GLG1: variants seen among roughly 807,000 people sequenced by gnomAD.
GLG1 encodes Golgi apparatus protein 1.
In GLG1, 38 loss-of-function variants were observed where a neutral mutation model predicts 160.5. The observed-to-expected ratio is 0.24, with a 90% CI of 0.18 to 0.31. GLG1 has a LOEUF of 0.31. Ranked by LOEUF, GLG1 falls within the 10% of genes least tolerant of loss-of-function variation. The probability of loss-of-function intolerance (pLI) is 1.00; values close to 1 mark genes in which losing one functional copy is unlikely to be tolerated. For missense variants in GLG1, 1,373 were observed against 1,505.2 expected, an observed-to-expected ratio of 0.91 and a Z score of 1.45; for synonymous variants, 644 against 543.4, an observed-to-expected ratio of 1.19 and a Z score of -2.57.
Position 74,449,943 on chromosome 16 carries a change from C to G in GLG1, c.*3224G>C, listed in dbSNP as rs2014221859. On this transcript the variant is annotated 3_prime_UTR_variant, in exon 26 of 26. Transcript: ENST00000422840. ...CAGAGCTCCCCATCTGTGGGAGAAG[C>G]TCCATTGTGAACAGTTCGTCTTGTT... is the stretch of plus-strand genomic sequence containing the variant. The G allele has an allele frequency of 6.6e-6, 1 of 152,370 alleles. No individual in the cohort carries two copies. The highest frequency in any genetic ancestry group is 2.1e-4 in the South Asian group (1 of 4,828). The allele number at this position is 152,370 out of a possible 1,614,324, so 9.4% of individuals were successfully genotyped here.
At chr16:74,511,710 T>A (rs2016814121) in intron 2 of GLG1, among the ~76,000 whole-genome samples, 1 of 152,034 alleles carries the variant, frequency 6.6e-6, no homozygotes, top group South Asian at 2.1e-4. Context: ...ATTTCCTTAC[T>A]ATTTTATCGA....
chr16:74,578,566 A>G (rs1475834570), intron 1 of GLG1, among the ~76,000 whole-genome samples: 1 of 152,256 alleles, frequency 6.6e-6, no homozygotes, highest in Non-Finnish European at 1.5e-5. Context: ...GCAGAGAACT[A>G]AGACTGACTG....
intron 5 of GLG1, among the ~76,000 whole-genome samples, chr16:74,495,142 C>A (rs1222023699): frequency 8.5e-6 from 1 of 117,112 alleles, no homozygotes; most frequent in Non-Finnish European, 1.6e-5. Flanking sequence ...TAGAGTCAGT[C>A]TTGCTCTGTT....
chr16:74,513,035 A>G (rs1207973550), intron 2 of GLG1, among the ~76,000 whole-genome samples: 2 of 152,202 alleles, frequency 1.3e-5, no homozygotes, highest in African/African-American at 4.8e-5. Flanking sequence ...GAATAGCTGG[A>G]GTTGAAGGTA....
intron 2 of GLG1, among the ~76,000 whole-genome samples, chr16:74,511,575 CTT>C (rs10595609): frequency 0.39 from 43,664 of 110,972 alleles, 8,575 homozygotes; most frequent in South Asian, 0.62. Flanking sequence ...TAACTTGAAC[CTT>C]TTTTTTTTAA....
intron 2 of GLG1, among the ~76,000 whole-genome samples, chr16:74,527,180 CATA>C (rs1222462057): frequency 6.7e-6 from 1 of 149,166 alleles, no homozygotes; most frequent in Non-Finnish European, 1.5e-5. Context: ...CTACTGTTGT[CATA>C]TATTTTATTC....
In GLG1 at chr16:74,501,411, C is replaced by T. The variant is rs1412649578; in HGVS notation, c.774+2120G>A. ...TAAATGACAAAAGTGTCATTTCTATCTTTAGTCCATAGGAACAATTTTTAT... is the reference window on the plus strand; with the variant it reads ...TAAATGACAAAAGTGTCATTTCTATTTTTAGTCCATAGGAACAATTTTTAT... On this transcript the variant is annotated intron_variant, in intron 4 of 25. Transcript: ENST00000422840. Among the ~76,000 whole-genome samples, 5 of 152,188 alleles carry T rather than the reference C, an allele frequency of 3.3e-5. No homozygotes were observed. The East Asian group carries it at 5.8e-4, about 18-fold the overall frequency.
At chr16:74,543,882 T>G (rs537352567) in intron 1 of GLG1, among the ~76,000 whole-genome samples, 1 of 152,190 alleles carries the variant, frequency 6.6e-6, no homozygotes, top group East Asian at 1.9e-4. Flanking sequence ...TCTAATTCCC[T>G]GTGCTTCAGT....
intron 11 of GLG1, among the ~76,000 whole-genome samples, chr16:74,477,748 C>T (rs910706846): frequency 2.0e-5 from 3 of 151,808 alleles, no homozygotes; most frequent in Non-Finnish European, 4.4e-5. Context: ...TCGAGGCGGG[C>T]GGATCACCTG....
intron 2 of GLG1, among the ~76,000 whole-genome samples, chr16:74,530,430 A>C (rs185492473): frequency 6.6e-6 from 1 of 152,286 alleles, no homozygotes; most frequent in African/African-American, 2.4e-5. Flanking sequence ...AACTGTAGTC[A>C]CTGTTGCAGT....
chr16:74,501,277 A>G lies in GLG1; in HGVS notation c.774+2254T>C. 1.3e-5 allele frequency among the ~76,000 whole-genome samples: 2 copies of G among 152,180 alleles called. 1 individual carries two copies. The highest frequency in any genetic ancestry group is 2.9e-5 in the Non-Finnish European group (2 of 68,020). The stretch of plus-strand genomic sequence containing the variant: ...AAGGAAGGTGTTTTTTCAGAAGTTC[A>G]TGTGTGAGTCTATCTCACCGTCCCC... On this transcript the variant is annotated intron_variant, in intron 4 of 25. Coordinates refer to ENST00000422840, the MANE Select transcript of GLG1 (RefSeq NM_001145667.2).
intron 10 of GLG1, 118 bp downstream of exon 10, chr16:74,482,905 T>G (rs533013927): frequency 1.5e-6 from 1 of 681,954 alleles, no homozygotes; most frequent in East Asian, 2.6e-5. Context: ...GTGTGTTAGC[T>G]GTCCCAGAAC....
Position 74,474,599 on chromosome 16 carries a change from A to G in GLG1, c.1999T>C (p.Leu667=), listed in dbSNP as rs779040092. Residue 667 remains leucine, a synonymous_variant, in exon 13 of 26, where the codon TTG becomes CTG. Coordinates refer to ENST00000422840, the MANE Select transcript of GLG1 (RefSeq NM_001145667.2). The part of the protein sequence containing the change: ...LECLQDHLDD[L]VVECRDIVGN... ...ACTATATCTCTACACTCCACCACCA[A>G]GTCATCCAGATGGTCCTGAAGGCAC... The G allele has an allele frequency of 2.5e-6, 4 of 1,585,944 alleles. No homozygotes were observed. In the South Asian group the frequency reaches 4.4e-5, roughly 18 times the overall value.
intron 6 of GLG1, among the ~76,000 whole-genome samples, chr16:74,494,222 C>A (rs1329454633): frequency 6.6e-6 from 1 of 151,710 alleles, no homozygotes; most frequent in Non-Finnish European, 1.5e-5. Context: ...AAAACCACCA[C>A]AGTGAGAACC....
chr16:74,593,498 G>A (rs943972211), intron 1 of GLG1, among the ~76,000 whole-genome samples: 3 of 143,960 alleles, frequency 2.1e-5, no homozygotes, highest in Non-Finnish European at 4.5e-5. Context: ...GCAATAACGC[G>A]ATCTCCGCTC....
chr16:74,527,214 T>C (rs867379325), intron 2 of GLG1, among the ~76,000 whole-genome samples: 5 of 151,442 alleles, frequency 3.3e-5, no homozygotes, highest in African/African-American at 9.7e-5. Flanking sequence ...AATCTGAAAG[T>C]ATACTGTTAT....
intron 1 of GLG1, among the ~76,000 whole-genome samples, chr16:74,599,819 G>A (rs1007180147): frequency 6.6e-6 from 1 of 151,490 alleles, no homozygotes; most frequent in Admixed American, 6.6e-5. Context: ...AGCCGAGATC[G>A]CGCCACTGCA....
chr16:74,547,837 C>A (rs1246700298), intron 1 of GLG1, among the ~76,000 whole-genome samples: 1 of 152,244 alleles, frequency 6.6e-6, no homozygotes, highest in Admixed American at 6.5e-5. Context: ...ATACCAAAAG[C>A]TGTATCCTTT....
In GLG1 at chr16:74,469,036, C is replaced by T. The variant is rs141823175; in HGVS notation, c.2346G>A (p.Thr782=). The change falls in exon 17 of 26, where the codon ACG becomes ACA. Residue 782 remains threonine (T), a synonymous_variant. Transcript: ENST00000422840. ...KKVDVVICLS[T]TVRNDTLQEA... ...CCTGCAGAGTGTCATTGCGCACGGTCGTGCTCAGGCAGATCACCACGTCCA... is the reference window on the plus strand; with the variant it reads ...CCTGCAGAGTGTCATTGCGCACGGTTGTGCTCAGGCAGATCACCACGTCCA... 6.8e-6 allele frequency: 11 copies of T among 1,613,890 alleles called. No individual in the cohort carries two copies. Among genetic ancestry groups the T allele is most frequent in the African/African-American group, 6.7e-5 (5 of 74,926 alleles).
Sources: gnomAD v4.1 joint callset for allele counts (sites outside exome capture counted in the v4.1 genomes callset) on GRCh38, gnomAD v4.1.1 for gene constraint, MANE v1.5 for transcripts, NCBI Gene and HGNC (gene_info 2026-07-23, HGNC 2026-07-21) for gene names.